Variants in POM121 observed in about 807,000 individuals in gnomAD.
The protein encoded by POM121 is POM121 transmembrane nucleoporin, also known as nuclear envelope pore membrane protein POM 121.
In POM121, 32 loss-of-function variants were observed where a neutral mutation model predicts 81.3. The ratio of observed to expected loss-of-function variants is 0.39; its 90% confidence interval spans 0.30 to 0.53. The LOEUF (loss-of-function observed/expected upper bound fraction) is 0.53, where lower values mean the gene tolerates loss of function less well. POM121 is among the 20% of genes least tolerant of loss of function. The probability of loss-of-function intolerance (pLI) is 0.66; values close to 1 mark genes in which losing one functional copy is unlikely to be tolerated. For synonymous variants in POM121, 514 were observed against 694.2 expected, an observed-to-expected ratio of 0.74 and a Z score of 4.08; for missense variants, 1,138 against 1,614.6, an observed-to-expected ratio of 0.70 and a Z score of 5.06.
At chr7:72,896,350 G>A (rs547593438) in intron 3 of POM121, among the ~76,000 whole-genome samples, 51 of 151,262 alleles carry the variant, frequency 3.4e-4, no homozygotes, top group Non-Finnish European at 6.0e-4. Flanking sequence ...GCCAGAAGTG[G>A]TGGCATGCAC....
Position 72,925,742 on chromosome 7 carries a change from AC to A in POM121, c.624del (p.Ser209ProfsTer17). 8.0e-7 allele frequency: 1 copy of A among 1,244,466 alleles called. No individual in the cohort carries two copies. The allele number at this position is 1,244,466 out of a possible 1,614,324, so 77.1% of individuals were successfully genotyped here. On this transcript the variant is annotated frameshift_variant, in exon 1 of 13. Coordinates refer to ENST00000434423, the MANE Select transcript of POM121 (RefSeq NM_001387691.1). LOFTEE classifies it high-confidence loss of function. ...CCTCTCTGCCCACTCCTCTTCTCCGACCCTCCAGGAGGCCTTCCCCACGGTA... is the reference window on the plus strand; with the variant it reads ...CCTCTCTGCCCACTCCTCTTCTCCGACCTCCAGGAGGCCTTCCCCACGGTA... ...YPSLPTPLLRPSRRPSPRDCG... is the reference protein window; with the variant it reads ...YPSLPTPLLRXSRRPSPRDCG...
rs2129580523 is a variant in POM121 at position 72,943,203 on chromosome 7, C to T, written c.3210C>T (p.Ser1070=). 1.9e-6 allele frequency: 3 copies of T among 1,613,206 alleles called. No individual in the cohort carries two copies. Among genetic ancestry groups the T allele is most frequent in the East Asian group, 2.2e-5 (1 of 44,854 alleles). Residue 1070 remains serine, a synonymous_variant, in exon 11 of 13, where the codon AGC becomes AGT. Coordinates refer to ENST00000434423, the MANE Select transcript of POM121 (RefSeq NM_001387691.1). ...CTGTCTTCTTCGGTGCAGCCACCAG[C>T]TCCGGCTTTGGAGCCACCACCCAGA... ...STAVFFGAAT[S]SGFGATTQTA...
chr7:72,910,230 C>T (rs1376425894), intron 3 of POM121, among the ~76,000 whole-genome samples: 1 of 152,194 alleles, frequency 6.6e-6, no homozygotes, highest in Non-Finnish European at 1.5e-5. Flanking sequence ...TCCAAGTGTA[C>T]TTTCCTTCCC....
chr7:72,904,797 G>C (rs1554493158), intron 3 of POM121, among the ~76,000 whole-genome samples: 1 of 152,180 alleles, frequency 6.6e-6, no homozygotes, highest in African/African-American at 2.4e-5. Context: ...CACTTGGCTG[G>C]GGAGGTCTCA....
At chr7:72,898,815 A>G (rs1357088371) in intron 3 of POM121, among the ~76,000 whole-genome samples, 1 of 150,926 alleles carries the variant, frequency 6.6e-6, no homozygotes, top group Admixed American at 6.6e-5. Context: ...AAAAAAAAAA[A>G]AATGCTGGAG....
At chr7:72,904,673 T>C (rs1207870928) in intron 3 of POM121, among the ~76,000 whole-genome samples, 2 of 152,190 alleles carry the variant, frequency 1.3e-5, no homozygotes, top group East Asian at 3.8e-4. Flanking sequence ...TTGAAGTTGC[T>C]TTTTTCTTGA....
At chr7:72,929,770 G>A (rs1554498190) in intron 4 of POM121, among the ~76,000 whole-genome samples, 170 bp from the exon 5 acceptor site, 1 of 152,128 alleles carries the variant, frequency 6.6e-6, no homozygotes, top group Admixed American at 6.5e-5. Context: ...TTAAATATTT[G>A]GCTTTTCTTA....
intron 5 of POM121, among the ~76,000 whole-genome samples, chr7:72,934,033 T>C (rs1554499022): frequency 6.6e-6 from 1 of 152,208 alleles, no homozygotes; most frequent in Non-Finnish European, 1.5e-5. Flanking sequence ...TATTAAAAAC[T>C]GGCAATCATT....
In POM121 at chr7:72,946,466, G is replaced by A. The variant is rs1797700814; in HGVS notation, c.*232G>A. Reference sequence around the variant, plus strand: ...GGGCCAAAGCCCGGGACCTCTACTTGAACAGTTCTACTGGGGAGGCTGGAG... The same window carrying A: ...GGGCCAAAGCCCGGGACCTCTACTTAAACAGTTCTACTGGGGAGGCTGGAG... On this transcript the variant is annotated 3_prime_UTR_variant, in exon 13 of 13. Coordinates refer to ENST00000434423, the MANE Select transcript of POM121 (RefSeq NM_001387691.1). 1 of 1,378,672 alleles carries A rather than the reference G, an allele frequency of 7.3e-7. No homozygotes were observed. The highest frequency in any genetic ancestry group is 1.5e-5 in the African/African-American group (1 of 67,874). 85.4% of individuals were successfully genotyped at this position (1,378,672 alleles called of 1,614,324 possible).
intron 3 of POM121, among the ~76,000 whole-genome samples, chr7:72,905,260 G>A (rs1454913324): frequency 3.9e-5 from 6 of 152,062 alleles, no homozygotes; most frequent in African/African-American, 1.2e-4. Context: ...TTTCCCTTGC[G>A]ACTTACTCTT....
At chr7:72,903,090 G>T (rs1391961387) in intron 3 of POM121, among the ~76,000 whole-genome samples, 1 of 151,930 alleles carries the variant, frequency 6.6e-6, no homozygotes, top group Non-Finnish European at 1.5e-5. Flanking sequence ...CAGGCACAGT[G>T]ATTCACATCT....
rs551491620 is a variant in POM121 at position 72,926,410 on chromosome 7, A to G, written c.793A>G (p.Arg265Gly). 242 of 1,614,008 alleles carry G rather than the reference A, an allele frequency of 1.5e-4. 6 individuals carry two copies. In the South Asian group the frequency reaches 2.6e-3, roughly 17 times the overall value. Residue 265 changes from arginine to glycine, a missense_variant, in exon 2 of 13, where the codon AGG becomes GGG. Physicochemically the swap from Arg to Gly is moderately radical, Grantham distance 125 (BLOSUM62 -2). This residue lies in a region of POM121 where 646 missense variants were observed against 633.5 expected (regional missense o/e 1.02). Transcript: ENST00000434423. ...GGCTGTGCTGTCCCCTCGCAACTCCAGGATGGTGTGTAGCCCAGTGACTGT... is the reference window on the plus strand; with the variant it reads ...GGCTGTGCTGTCCCCTCGCAACTCCGGGATGGTGTGTAGCCCAGTGACTGT... ...KKAVLSPRNS[R>G]MVCSPVTVRI...
intron 11 of POM121, among the ~76,000 whole-genome samples, chr7:72,944,923 G>A (rs1467741269): frequency 9.9e-5 from 15 of 152,162 alleles, no homozygotes; most frequent in East Asian, 3.9e-4. Context: ...GTGAATCAGG[G>A]AGTGACCTGG....
At chr7:72,900,835 T>C (rs1346487000) in intron 3 of POM121, among the ~76,000 whole-genome samples, 4 of 152,046 alleles carry the variant, frequency 2.6e-5, no homozygotes, top group Non-Finnish European at 5.9e-5. Flanking sequence ...TCCTTCTTTC[T>C]GTTTGTTTTG....
chr7:72,896,787 C>A (rs1285062882), intron 3 of POM121, among the ~76,000 whole-genome samples: 1 of 152,152 alleles, frequency 6.6e-6, no homozygotes, highest in Non-Finnish European at 1.5e-5. Flanking sequence ...TCTATTAGAA[C>A]ATGTCACATT....
intron 3 of POM121, among the ~76,000 whole-genome samples, chr7:72,907,542 A>C (rs1465618114): frequency 6.7e-6 from 1 of 149,900 alleles, no homozygotes; most frequent in Non-Finnish European, 1.5e-5. Context: ...ACAGAGTCTC[A>C]CTCTGTCGCC....
At chr7:72,885,066 G>A (rs1183523156) in intron 1 of POM121, among the ~76,000 whole-genome samples, 12 of 152,108 alleles carry the variant, frequency 7.9e-5, no homozygotes, top group Admixed American at 6.6e-4. Flanking sequence ...TGTTTAATAC[G>A]GATTTGTTCC....
At chr7:72,898,002 G>C (rs1308025720) in intron 3 of POM121, among the ~76,000 whole-genome samples, 1 of 152,178 alleles carries the variant, frequency 6.6e-6, no homozygotes, top group Non-Finnish European at 1.5e-5. Context: ...CTGGGCAACA[G>C]AGCAAGACCC....
At chr7:72,938,488 C>A in intron 5 of POM121, 102 bp from the exon 6 acceptor site, 9 of 1,344,140 alleles carry the variant, frequency 6.7e-6, no homozygotes, top group Non-Finnish European at 9.6e-6. Flanking sequence ...ACCATTTAAC[C>A]ATAAAGAATG....
Sources: gnomAD v4.1 joint callset for allele counts (sites outside exome capture counted in the v4.1 genomes callset) on GRCh38, gnomAD v4.1.1 for gene constraint, gnomAD v4.1.1 regional missense constraint, MANE v1.5 for transcripts, NCBI Gene and HGNC (gene_info 2026-07-23, HGNC 2026-07-21) for gene names.